MYO5B: variants seen among roughly 807,000 people sequenced by gnomAD.
MYO5B encodes the protein myosin VB.
MYO5B carries 143 observed loss-of-function variants against 229.3 expected under a neutral mutation model. That is an observed-to-expected ratio of 0.62 (90% CI 0.54 to 0.72). The LOEUF (loss-of-function observed/expected upper bound fraction) is 0.72. Ranked by LOEUF, MYO5B falls within the 30% of genes least tolerant of loss-of-function variation. MYO5B has a pLI of 0.00. For missense variants in MYO5B, 2,321 were observed against 2,331.0 expected (o/e 1.00, Z 0.09); for synonymous variants, 918 against 885.2 (o/e 1.04, Z -0.66).
intron 30 of MYO5B, among the ~76,000 whole-genome samples, chr18:49,856,071 T>C (rs972581976): frequency 1.5e-4 from 23 of 152,360 alleles, no homozygotes; most frequent in Non-Finnish European, 2.4e-4. Context: ...GACCATCACA[T>C]GGTGTCCTTT....
intron 1 of MYO5B, among the ~76,000 whole-genome samples, chr18:50,110,281 A>G (rs2031841901): frequency 6.6e-6 from 1 of 152,072 alleles, no homozygotes; most frequent in South Asian, 2.1e-4. Flanking sequence ...TCTCCTGGCA[A>G]CAACAGCATC....
chr18:50,043,324 A>AT (rs1484354597), intron 2 of MYO5B, among the ~76,000 whole-genome samples: 5 of 114,518 alleles, frequency 4.4e-5, no homozygotes, highest in African/African-American at 1.4e-4. Flanking sequence ...TATATAAAAT[A>AT]TATATTTTAT....
At chr18:49,973,585 G>A (rs1160088567) in intron 10 of MYO5B, among the ~76,000 whole-genome samples, 1 of 152,206 alleles carries the variant, frequency 6.6e-6, no homozygotes, top group Non-Finnish European at 1.5e-5. Flanking sequence ...TGCAAGGTAG[G>A]TTGCAACCCA....
intron 1 of MYO5B, among the ~76,000 whole-genome samples, chr18:50,094,074 C>T (rs553143048): frequency 4.6e-4 from 70 of 152,300 alleles, no homozygotes; most frequent in Non-Finnish European, 8.1e-4. Flanking sequence ...AGATTCGCCT[C>T]GAATTCTTTG....
At chr18:49,849,478 T>A in intron 32 of MYO5B, 89 bp downstream of exon 32, 1 of 927,662 alleles carries the variant, frequency 1.1e-6, no homozygotes, top group Non-Finnish European at 1.8e-6. Context: ...GTAGGAAGAA[T>A]GTGCAGAGGG....
At chr18:49,981,918 T>G (rs990868166) in intron 8 of MYO5B, among the ~76,000 whole-genome samples, 8 of 152,180 alleles carry the variant, frequency 5.3e-5, no homozygotes, top group African/African-American at 1.9e-4. Flanking sequence ...AGCTAGGCAC[T>G]TATGCACCCT....
chr18:49,917,761 C>T (rs1314899926), intron 17 of MYO5B, among the ~76,000 whole-genome samples: 1 of 152,226 alleles, frequency 6.6e-6, no homozygotes, highest in Admixed American at 6.5e-5. Context: ...TCCCTGGATT[C>T]TGACTTGCTT....
intron 9 of MYO5B, among the ~76,000 whole-genome samples, chr18:49,976,806 C>T (rs1456681750): frequency 1.3e-5 from 2 of 152,166 alleles, no homozygotes; most frequent in Non-Finnish European, 1.5e-5. Context: ...GCCAACCTGT[C>T]TCCCCTGCTC....
intron 1 of MYO5B, among the ~76,000 whole-genome samples, chr18:50,164,047 A>T (rs2032808413): frequency 6.6e-6 from 1 of 152,222 alleles, no homozygotes; most frequent in Admixed American, 6.5e-5. Flanking sequence ...TTTCAAGGGA[A>T]TTAAGTGTCT....
At chr18:49,981,482 A>G (rs563332706) in intron 8 of MYO5B, among the ~76,000 whole-genome samples, 1 of 152,258 alleles carries the variant, frequency 6.6e-6, no homozygotes, top group African/African-American at 2.4e-5. Flanking sequence ...GGACAACCCA[A>G]GCAACATTAA....
At chr18:50,115,466 CA>C (rs1324232232) in intron 1 of MYO5B, among the ~76,000 whole-genome samples, 4 of 151,946 alleles carry the variant, frequency 2.6e-5, no homozygotes, top group Non-Finnish European at 4.4e-5. Context: ...GAGCACCTAC[CA>C]GGGCCAGGTC....
At chr18:50,108,651 G>A (rs982917201) in intron 1 of MYO5B, among the ~76,000 whole-genome samples, 1 of 152,138 alleles carries the variant, frequency 6.6e-6, no homozygotes, top group Non-Finnish European at 1.5e-5. Flanking sequence ...CGACAAACAT[G>A]CATCCTTGAC....
chr18:49,905,666 C>G (rs547930272), intron 19 of MYO5B, among the ~76,000 whole-genome samples: 2 of 152,280 alleles, frequency 1.3e-5, no homozygotes, highest in East Asian at 3.9e-4. Flanking sequence ...ATTGTCACTT[C>G]TCTAAGGAAA....
At position 49,837,737 on chromosome 18, in the gene MYO5B, T is replaced by A; in HGVS notation, c.4918A>T (p.Lys1640Ter). The A allele has an allele frequency of 6.2e-7, 1 of 1,614,188 alleles. No individual in the cohort carries two copies. The highest frequency in any genetic ancestry group is 8.5e-7 in the Non-Finnish European group (1 of 1,180,024). The change falls in exon 37 of 40, where the codon AAG (lysine) becomes TAG (stop). Residue 1640 changes from lysine (K) to a stop codon, truncating the protein, a stop_gained. Transcript: ENST00000285039. LOFTEE classifies it high-confidence loss of function. ...LSGVKPTGYR[K>*]RSSSMADGDN... ...CCATCTGCCATGCTGGAGGAGCGCT[T>A]CCGGTAGCCGGTGGGCTTCACACCA...
At chr18:49,970,050 G>A (rs1390900309) in intron 10 of MYO5B, 1 of 152,254 alleles carries the variant, frequency 6.6e-6, no homozygotes, top group Non-Finnish European at 1.5e-5. Flanking sequence ...GCCTCAAAGA[G>A]AGGATAGGAA....
intron 13 of MYO5B, 65 bp from the exon 14 acceptor site, chr18:49,953,408 C>T: frequency 7.2e-7 from 1 of 1,391,022 alleles, no homozygotes; most frequent in Non-Finnish European, 1.0e-6. Context: ...CAACCACTTT[C>T]ATCTCATCCA....
chr18:49,908,653 G>A (rs1262849008), intron 18 of MYO5B, among the ~76,000 whole-genome samples: 7 of 152,090 alleles, frequency 4.6e-5, no homozygotes, highest in African/African-American at 9.7e-5. Flanking sequence ...ACACTCCTTC[G>A]CCACTGTGAT....
intron 1 of MYO5B, among the ~76,000 whole-genome samples, chr18:50,181,200 G>A (rs908667901): frequency 1.8e-4 from 27 of 152,142 alleles, no homozygotes; most frequent in African/African-American, 6.5e-4. Context: ...TAAGTTAATT[G>A]TACTAACATA....
chr18:49,852,780 A>T (rs2024217079), intron 31 of MYO5B, among the ~76,000 whole-genome samples: 1 of 152,072 alleles, frequency 6.6e-6, no homozygotes, highest in South Asian at 2.1e-4. Context: ...GTCTCAGCTC[A>T]AGCCTCATGT....
Sources: allele counts gnomAD v4.1 joint callset (sites outside exome capture counted in the v4.1 genomes callset), GRCh38; gene constraint gnomAD v4.1.1; transcripts MANE v1.5; gene names NCBI Gene and HGNC (gene_info 2026-07-23, HGNC 2026-07-21).